Variants in PSD3 observed in about 807,000 individuals in gnomAD.
The protein encoded by PSD3 is pleckstrin and Sec7 domain containing 3, also known as PH and SEC7 domain-containing protein 3.
PSD3 carries 49 observed loss-of-function variants against 105.5 expected under a neutral mutation model. That is an observed-to-expected ratio of 0.46 (90% CI 0.37 to 0.59). The LOEUF (loss-of-function observed/expected upper bound fraction) is 0.59. PSD3 is among the 20% of genes least tolerant of loss of function. The pLI is 0.00. For synonymous variants in PSD3, 557 were observed against 457.8 expected, an observed-to-expected ratio of 1.22 and a Z score of -2.77; for missense variants, 1,561 against 1,263.8, an observed-to-expected ratio of 1.24 and a Z score of -3.57.
At chr8:18,674,152 A>C (rs78681408) in intron 9 of PSD3, among the ~76,000 whole-genome samples, 4,863 of 152,086 alleles carry the variant, frequency 0.032, 193 homozygotes, top group East Asian at 0.15. Flanking sequence ...CTTAAAAAAA[A>C]AAAGAAAATG....
At chr8:18,655,865 G>A (rs1187461584) in intron 9 of PSD3, among the ~76,000 whole-genome samples, 180 bp from the exon 10 acceptor site, 2 of 152,150 alleles carry the variant, frequency 1.3e-5, no homozygotes, top group African/African-American at 4.8e-5. Flanking sequence ...GGTGAACAAC[G>A]AACGTTTCAT....
At chr8:18,906,297 T>C (rs1272807728) in intron 2 of PSD3, among the ~76,000 whole-genome samples, 1 of 152,204 alleles carries the variant, frequency 6.6e-6, no homozygotes, top group Non-Finnish European at 1.5e-5. Flanking sequence ...CTCACAGCTG[T>C]AACTCACCTA....
At chr8:19,017,042 G>C (rs977432826), upstream of PSD3, among the ~76,000 whole-genome samples, 3 of 141,798 alleles carry the variant, frequency 2.1e-5, no homozygotes, top group African/African-American at 7.6e-5. Flanking sequence ...AAGTATTTTG[G>C]CTACATACTT....
chr8:19,079,518 T>C (rs953349351), intron 1 of PSD3, among the ~76,000 whole-genome samples: 4 of 152,188 alleles, frequency 2.6e-5, no homozygotes, highest in African/African-American at 7.2e-5. Context: ...GAAAAACAAC[T>C]TTTAAACTTA....
chr8:18,576,706 C>A (rs779488047), intron 12 of PSD3, among the ~76,000 whole-genome samples: 4 of 151,970 alleles, frequency 2.6e-5, no homozygotes, highest in Admixed American at 6.6e-5. Flanking sequence ...TGGCTCTCCA[C>A]GCAGTGTAAC....
chr8:18,962,302 A>C (rs1204772382), intron 1 of PSD3, among the ~76,000 whole-genome samples: 1 of 152,222 alleles, frequency 6.6e-6, no homozygotes, highest in Non-Finnish European at 1.5e-5. Context: ...TTGTAGACTA[A>C]AGTTATCAAC....
intron 9 of PSD3, among the ~76,000 whole-genome samples, chr8:18,727,566 A>ACC (rs1803424364): frequency 6.7e-6 from 1 of 149,918 alleles, no homozygotes; most frequent in Non-Finnish European, 1.5e-5. Flanking sequence ...ACACACACAC[A>ACC]CACACACACA....
At chr8:18,864,299 A>T (rs1185768921) in intron 4 of PSD3, among the ~76,000 whole-genome samples, 1 of 152,064 alleles carries the variant, frequency 6.6e-6, no homozygotes, top group Non-Finnish European at 1.5e-5. Context: ...AAGTTACTCA[A>T]CCTCTCTGTA....
chr8:18,759,052 T>A (rs1049647561), intron 9 of PSD3, among the ~76,000 whole-genome samples: 15 of 145,154 alleles, frequency 1.0e-4, no homozygotes, highest in African/African-American at 3.8e-4. Flanking sequence ...CATACTGATT[T>A]ACATCCTTTC....
Position 18,832,144 on chromosome 8 carries a change from G to A in PSD3, c.1635-27246C>T, listed in dbSNP as rs1049686539. ...TCTTGAAATATGGTCTTTATTATAG[G>A]TGGAGTTCTCATACTTTATGAGCCA... On this transcript the variant is annotated intron_variant, in intron 4 of 15. Coordinates refer to ENST00000327040, the MANE Select transcript of PSD3 (RefSeq NM_015310.4). 2.0e-5 allele frequency among the ~76,000 whole-genome samples: 3 copies of A among 152,202 alleles called. No individual in the cohort carries two copies. The South Asian group carries it at 6.2e-4, about 32-fold the overall frequency.
chr8:18,615,776 G>T (rs192891733), intron 11 of PSD3, among the ~76,000 whole-genome samples: 1 of 152,220 alleles, frequency 6.6e-6, no homozygotes, highest in East Asian at 1.9e-4. Context: ...GGCTTGTCAA[G>T]TGACAGCAAA....
rs543305115 is a variant in PSD3, at chr8:18,697,416, C to A, written c.2173-41731G>T. 2.0e-5 allele frequency among the ~76,000 whole-genome samples: 3 copies of A among 152,282 alleles called. No individual in the cohort carries two copies. In the South Asian group the frequency reaches 6.2e-4, roughly 32 times the overall value. ...AACATTTTCTCTTAAATATGGAGCC[C>A]ATCTCCTTGACAGTCTATGTAAACA... On this transcript the variant is annotated intron_variant, in intron 9 of 15. Transcript: ENST00000327040.
chr8:18,805,926 A>G (rs1300449147), intron 4 of PSD3, among the ~76,000 whole-genome samples: 2 of 152,244 alleles, frequency 1.3e-5, no homozygotes, highest in Non-Finnish European at 2.9e-5. Context: ...GCCAATAACC[A>G]TAGTTTGTCA....
intron 1 of PSD3, among the ~76,000 whole-genome samples, chr8:19,056,864 G>A (rs371688294): frequency 3.9e-5 from 6 of 152,306 alleles, no homozygotes; most frequent in African/African-American, 7.2e-5. Context: ...ATTCACAAGA[G>A]GTTAGGTAGA....
At chr8:18,644,883 T>G (rs1454154003) in intron 10 of PSD3, among the ~76,000 whole-genome samples, 3 of 152,204 alleles carry the variant, frequency 2.0e-5, no homozygotes, top group African/African-American at 7.2e-5. Context: ...CTTACAGTAT[T>G]GGAGGCTGGA....
chr8:18,839,853 C>A (rs1371270045), intron 4 of PSD3, among the ~76,000 whole-genome samples: 5 of 152,130 alleles, frequency 3.3e-5, no homozygotes, highest in Non-Finnish European at 7.3e-5. Flanking sequence ...CTGCCTCCCA[C>A]ACAGTCGATG....
At chr8:18,752,643 A>AT (rs1491546639) in intron 9 of PSD3, among the ~76,000 whole-genome samples, 1 of 80,908 alleles carries the variant, frequency 1.2e-5, no homozygotes, top group Non-Finnish European at 2.1e-5. Context: ...AATATATATA[A>AT]TATATATAAT....
intron 1 of PSD3, among the ~76,000 whole-genome samples, chr8:19,027,033 C>T (rs1464858600): frequency 2.6e-5 from 4 of 152,044 alleles, no homozygotes; most frequent in Admixed American, 2.0e-4. Flanking sequence ...ATGTTGTAAA[C>T]ATTGTCGACA....
At chr8:19,080,993 G>A (rs1168612181) in intron 1 of PSD3, among the ~76,000 whole-genome samples, 2 of 152,088 alleles carry the variant, frequency 1.3e-5, no homozygotes, top group Non-Finnish European at 2.9e-5. Context: ...CTTTTGAGTT[G>A]GGTCTGCTTT....
Sources: gnomAD v4.1 joint callset for allele counts (sites outside exome capture counted in the v4.1 genomes callset) on GRCh38, gnomAD v4.1.1 for gene constraint, MANE v1.5 for transcripts, NCBI Gene and HGNC (gene_info 2026-07-23, HGNC 2026-07-21) for gene names.